The following ACER3 variants were observed in gnomAD, a reference collection of about 807,000 sequenced individuals.
The protein encoded by ACER3 is alkaline ceramidase 3.
In ACER3, 16 loss-of-function variants were observed where a neutral mutation model predicts 48.9. The observed-to-expected ratio is 0.33, with a 90% CI of 0.22 to 0.50. ACER3 has a LOEUF of 0.50. Ranked by LOEUF, ACER3 falls within the 20% of genes least tolerant of loss-of-function variation. The probability of loss-of-function intolerance (pLI) is 0.98; values close to 1 mark genes in which losing one functional copy is unlikely to be tolerated. For missense variants in ACER3, 227 were observed against 326.0 expected, an observed-to-expected ratio of 0.70 and a Z score of 2.34; for synonymous variants, 109 against 107.8, an observed-to-expected ratio of 1.01 and a Z score of -0.07.
intron 1 of ACER3, among the ~76,000 whole-genome samples, chr11:76,918,364 T>G (rs928185021): frequency 6.6e-6 from 1 of 152,076 alleles, no homozygotes; most frequent in Non-Finnish European, 1.5e-5. Flanking sequence ...TTTTTTTCTT[T>G]AAGCTTAGCG....
chr11:76,990,500 T>C, intron 5 of ACER3, 39 bp from the exon 6 acceptor site: 1 of 1,376,218 alleles, frequency 7.3e-7, no homozygotes, highest in Non-Finnish European at 1.0e-6. Context: ...CCCTTCATAA[T>C]GTACTTCATT....
intron 1 of ACER3, among the ~76,000 whole-genome samples, chr11:76,889,346 T>G (rs1945750932): frequency 6.6e-6 from 1 of 152,222 alleles, no homozygotes; most frequent in African/African-American, 2.4e-5. Flanking sequence ...TTTAAAAATA[T>G]TATGTGTTAA....
At chr11:76,874,219 C>G in intron 1 of ACER3, among the ~76,000 whole-genome samples, 1 of 152,108 alleles carries the variant, frequency 6.6e-6, no homozygotes, top group East Asian at 1.9e-4. Flanking sequence ...TCTGTTGAGC[C>G]TGTGACTTTG....
chr11:76,941,266 C>T (rs537330142), intron 2 of ACER3, among the ~76,000 whole-genome samples: 18 of 152,136 alleles, frequency 1.2e-4, no homozygotes, highest in Non-Finnish European at 1.9e-4. Flanking sequence ...GTGGGAATTT[C>T]GGCTTTGTGG....
At chr11:76,937,032 T>C (rs1372997624) in intron 2 of ACER3, among the ~76,000 whole-genome samples, 1 of 152,098 alleles carries the variant, frequency 6.6e-6, no homozygotes. Context: ...TTTTAAGCAT[T>C]GAATTATAAA....
Position 76,870,845 on chromosome 11 carries a change from T to C in ACER3, c.103+9766T>C, listed in dbSNP as rs1945224366. Among the ~76,000 whole-genome samples the C allele has an allele frequency of 7.2e-5, 11 of 152,304 alleles. 2 individuals are homozygous for C. In the South Asian group the frequency reaches 2.3e-3, roughly 32 times the overall value. On this transcript the variant is annotated intron_variant, in intron 1 of 10. Transcript: ENST00000532485. ...TGCATTGATATAAAACAAAACAGCA[T>C]AATATTTTCATTACAGTCTTCTTGT... is the stretch of plus-strand genomic sequence containing the variant.
chr11:76,950,589 G>A (rs1395306508), intron 2 of ACER3, among the ~76,000 whole-genome samples: 1 of 151,004 alleles, frequency 6.6e-6, no homozygotes, highest in Non-Finnish European at 1.5e-5. Flanking sequence ...AGCCTCCCTT[G>A]TAGCTGGGAC....
chr11:76,870,634 GC>G (rs1441464697), intron 1 of ACER3, among the ~76,000 whole-genome samples: 2 of 152,094 alleles, frequency 1.3e-5, no homozygotes, highest in Non-Finnish European at 2.9e-5. Context: ...TTTCATGGGT[GC>G]CATGAATTTA....
intron 1 of ACER3, among the ~76,000 whole-genome samples, chr11:76,897,296 A>G (rs751592828): frequency 1.3e-5 from 2 of 152,068 alleles, no homozygotes; most frequent in Non-Finnish European, 1.5e-5. Context: ...ATAATTGTGG[A>G]TGTTCTTTGA....
At chr11:76,985,800 G>T in intron 5 of ACER3, 76 bp downstream of exon 5, 2 of 828,254 alleles carry the variant, frequency 2.4e-6, no homozygotes, top group Non-Finnish European at 3.6e-6. Context: ...TTTACTTCCA[G>T]TATTTGCTTC....
chr11:76,904,475 AT>A (rs1946166547), intron 1 of ACER3, among the ~76,000 whole-genome samples: 1 of 152,100 alleles, frequency 6.6e-6, no homozygotes, highest in Admixed American at 6.6e-5. Context: ...TGTACCTTAC[AT>A]GCATAAATTT....
At position 76,926,558 on chromosome 11, in the gene ACER3, G is replaced by C; in HGVS notation, c.105G>C (p.Trp35Cys). 6.3e-7 allele frequency: 1 copy of C among 1,583,116 alleles called. No individual in the cohort carries two copies. The highest frequency in any genetic ancestry group is 1.1e-5 in the South Asian group (1 of 89,466). Residue 35 changes from tryptophan to cysteine, a missense_variant and splice_region_variant, in exon 2 of 11, where the codon TGG becomes TGC. Physicochemically the swap from Trp to Cys is radical, Grantham distance 215. Transcript: ENST00000532485. The stretch of plus-strand genomic sequence containing the variant: ...TCTTCTTATATTTTTCTCTTAAAGG[G>C]AATACAGTGAGTAACCTGATCATGA... ...YSVTWYIAEF[W>C]NTVSNLIMII...
chr11:76,868,805 T>A lies in ACER3; in HGVS notation c.103+7726T>A, dbSNP rs944555816. ...CTTCAATCATGCCTATCCAGTGAAG[T>A]CTCCATAAAAGGTTCAAGAGGACAG... On this transcript the variant is annotated intron_variant, in intron 1 of 10. Transcript: ENST00000532485. 2.0e-5 allele frequency among the ~76,000 whole-genome samples: 3 copies of A among 152,176 alleles called. No individual in the cohort carries two copies. In the East Asian group the frequency reaches 5.8e-4, roughly 29 times the overall value.
At chr11:76,947,374 T>C (rs1185430977) in intron 2 of ACER3, among the ~76,000 whole-genome samples, 1 of 152,218 alleles carries the variant, frequency 6.6e-6, no homozygotes, top group East Asian at 1.9e-4. Flanking sequence ...GGAAATTCTT[T>C]GCATGGAGCA....
rs915750853 is a variant in ACER3 at position 77,020,490 on chromosome 11, G to T, written c.*163G>T. 1.2e-5 allele frequency: 8 copies of T among 695,104 alleles called. No individual in the cohort carries two copies. Among genetic ancestry groups the T allele is most frequent in the South Asian group, 3.8e-5 (2 of 53,130 alleles). 43.1% of individuals were successfully genotyped at this position (695,104 alleles called of 1,614,324 possible). A position where few individuals can be genotyped will look rare whatever the true frequency, so the allele number is the denominator to read the frequency against. On this transcript the variant is annotated 3_prime_UTR_variant, in exon 11 of 11. Transcript: ENST00000532485. The stretch of plus-strand genomic sequence containing the variant: ...ACCCACACAGAGAATAAGGAGTAGG[G>T]CCTGCTGGGTGTTTAGCTCATGGCT...
At position 76,985,629 on chromosome 11, in the gene ACER3, C is replaced by T; in HGVS notation, c.321-14C>T. The T allele has an allele frequency of 5.2e-6, 8 of 1,525,884 alleles. No individual in the cohort carries two copies. Among genetic ancestry groups the T allele is most frequent in the Non-Finnish European group, 7.1e-6 (8 of 1,133,606 alleles). 94.5% of individuals were successfully genotyped at this position (1,525,884 alleles called of 1,614,324 possible). A position where few individuals can be genotyped will look rare whatever the true frequency, so the allele number is the denominator to read the frequency against. On this transcript the variant is annotated splice_polypyrimidine_tract_variant and intron_variant, in intron 4 of 10. Coordinates refer to ENST00000532485, the MANE Select transcript of ACER3 (RefSeq NM_018367.7). ...TATATTCTTTTAAAAGTTTCTTTCTCTCTTTTTTTCAAGGTTTGAATGTTT... is the reference window on the plus strand; with the variant it reads ...TATATTCTTTTAAAAGTTTCTTTCTTTCTTTTTTTCAAGGTTTGAATGTTT...
intron 1 of ACER3, among the ~76,000 whole-genome samples, chr11:76,909,285 A>G (rs185269818): frequency 1.0e-3 from 156 of 152,312 alleles, no homozygotes; most frequent in African/African-American, 3.7e-3. Flanking sequence ...ATCTAATTAA[A>G]CTAAAGAACT....
intron 2 of ACER3, among the ~76,000 whole-genome samples, chr11:76,936,865 C>T (rs1282063611): frequency 1.3e-5 from 2 of 151,936 alleles, no homozygotes; most frequent in African/African-American, 4.8e-5. Flanking sequence ...TTACAGAGTG[C>T]ACCACCATGC....
In ACER3 at chr11:76,972,239, A is replaced by G. The variant is rs564174325; in HGVS notation, c.268-4050A>G. On this transcript the variant is annotated intron_variant, in intron 3 of 10. Coordinates refer to ENST00000532485, the MANE Select transcript of ACER3 (RefSeq NM_018367.7). Reference sequence around the variant, plus strand: ...TTCCCACCAGCAACTTCTCCATATCATTGCCAATACTTGTTATTGTTTATC... The same window carrying G: ...TTCCCACCAGCAACTTCTCCATATCGTTGCCAATACTTGTTATTGTTTATC... Among the ~76,000 whole-genome samples, 112 of 152,224 alleles carry G rather than the reference A, an allele frequency of 7.4e-4. 1 individual carries two copies. The highest frequency in any genetic ancestry group is 2.6e-3 in the African/African-American group (108 of 41,538).
Sources: allele counts gnomAD v4.1 joint callset (sites outside exome capture counted in the v4.1 genomes callset), GRCh38; gene constraint gnomAD v4.1.1; transcripts MANE v1.5; gene names NCBI Gene and HGNC (gene_info 2026-07-23, HGNC 2026-07-21).